The following PSD3 variants were observed in gnomAD, a reference collection of about 807,000 sequenced individuals.
PSD3 encodes PH and SEC7 domain-containing protein 3.
A neutral mutation model predicts 105.5 loss-of-function variants in PSD3; 49 were observed. That is an observed-to-expected ratio of 0.46 (90% CI 0.37 to 0.59). PSD3 has a LOEUF of 0.59. Among genes scored for constraint, PSD3 ranks in the 20% least tolerant of loss-of-function variants. PSD3 has a pLI of 0.00. For synonymous variants in PSD3, 557 were observed against 457.8 expected (o/e 1.22, Z -2.77); for missense variants, 1,561 against 1,263.8 (o/e 1.24, Z -3.57).
At chr8:18,870,723 G>C (rs1324833420) in intron 3 of PSD3, among the ~76,000 whole-genome samples, 1 of 151,540 alleles carries the variant, frequency 6.6e-6, no homozygotes, top group East Asian at 1.9e-4. Flanking sequence ...TATGCTACTT[G>C]TGAGAAGAAG....
intron 8 of PSD3, among the ~76,000 whole-genome samples, chr8:18,792,426 G>A (rs1284020427): frequency 6.6e-6 from 1 of 152,172 alleles, no homozygotes; most frequent in African/African-American, 2.4e-5. Flanking sequence ...CAGGGATGGA[G>A]CCAGAGGTCA....
intron 1 of PSD3, among the ~76,000 whole-genome samples, chr8:18,939,015 C>A (rs926942999): frequency 1.2e-5 from 1 of 83,662 alleles, no homozygotes; most frequent in Admixed American, 1.3e-4. Flanking sequence ...CAAGGACTCA[C>A]TAAAACATCA....
At chr8:18,823,206 C>A (rs940043923) in intron 4 of PSD3, among the ~76,000 whole-genome samples, 9 of 151,998 alleles carry the variant, frequency 5.9e-5, no homozygotes, top group African/African-American at 2.2e-4. Context: ...CTCCTTTCTT[C>A]GGAGTCTGCA....
intron 1 of PSD3, among the ~76,000 whole-genome samples, chr8:18,994,340 G>A (rs984750347): frequency 5.9e-5 from 9 of 151,716 alleles, no homozygotes; most frequent in Non-Finnish European, 1.0e-4. Flanking sequence ...TTGTTTTTAC[G>A]GTAGATTTTA....
chr8:18,819,331 A>G (rs1398057353), intron 4 of PSD3, among the ~76,000 whole-genome samples: 1 of 152,156 alleles, frequency 6.6e-6, no homozygotes, highest in Non-Finnish European at 1.5e-5. Context: ...AGCTTGAATC[A>G]CCAAAAAGAA....
At chr8:18,948,208 G>A (rs1032001624) in intron 1 of PSD3, among the ~76,000 whole-genome samples, 4 of 152,110 alleles carry the variant, frequency 2.6e-5, no homozygotes, top group Non-Finnish European at 4.4e-5. Context: ...GTGTGCTTCT[G>A]ATAATGTTTA....
At chr8:18,572,008 A>C (rs533479875) in intron 14 of PSD3, among the ~76,000 whole-genome samples, 3 of 152,364 alleles carry the variant, frequency 2.0e-5, no homozygotes, top group South Asian at 4.1e-4. Flanking sequence ...CACTTGGAGC[A>C]GAGTTCTGGT....
At chr8:18,808,625 C>A in intron 4 of PSD3, 1 of 1,228,914 alleles carries the variant, frequency 8.1e-7, no homozygotes, top group South Asian at 1.4e-5. Context: ...AAATAAAGCA[C>A]AAAGGATAAA....
At chr8:18,560,947 T>G (rs1801359259) in intron 14 of PSD3, among the ~76,000 whole-genome samples, 1 of 152,014 alleles carries the variant, frequency 6.6e-6, no homozygotes, top group Non-Finnish European at 1.5e-5. Context: ...GTTAGACCCT[T>G]TTTTGCCCCC....
At chr8:19,066,374 C>T (rs551399566) in intron 1 of PSD3, among the ~76,000 whole-genome samples, 11 of 152,220 alleles carry the variant, frequency 7.2e-5, no homozygotes, top group Admixed American at 2.0e-4. Flanking sequence ...GCCATTTTGT[C>T]TCCCTCTTTT....
chr8:18,988,248 T>C lies in PSD3; in HGVS notation c.21+25315A>G, dbSNP rs181477980. Among the ~76,000 whole-genome samples the C allele has an allele frequency of 8.5e-5, 13 of 152,184 alleles. No individual in the cohort carries two copies. In the East Asian group the frequency reaches 2.3e-3, roughly 27 times the overall value. On this transcript the variant is annotated intron_variant, in intron 1 of 15. Coordinates refer to ENST00000327040, the MANE Select transcript of PSD3 (RefSeq NM_015310.4). ...TCCTTTGCAAAGATTTGACTAAAAG[T>C]GCCCTGATAAATCTGCTCCACTAGA...
chr8:19,074,075 C>T (rs1325842947), intron 1 of PSD3, among the ~76,000 whole-genome samples: 2 of 152,150 alleles, frequency 1.3e-5, no homozygotes, highest in African/African-American at 2.4e-5. Flanking sequence ...CAGGCCCGAG[C>T]CACCGCGCCC....
intron 8 of PSD3, among the ~76,000 whole-genome samples, chr8:18,789,455 T>C (rs2129446136): frequency 6.6e-6 from 1 of 152,310 alleles, no homozygotes; most frequent in South Asian, 2.1e-4. Flanking sequence ...ATTCACTTAA[T>C]GGGTTTTTAA....
chr8:18,897,195 T>C (rs1819208557), intron 2 of PSD3, among the ~76,000 whole-genome samples: 1 of 152,212 alleles, frequency 6.6e-6, no homozygotes, highest in Admixed American at 6.5e-5. Context: ...TGATGTTCAG[T>C]ATTTTTTCAT....
chr8:18,996,987 G>C (rs867627429), intron 1 of PSD3, among the ~76,000 whole-genome samples: 2 of 151,780 alleles, frequency 1.3e-5, no homozygotes, highest in African/African-American at 4.8e-5. Context: ...GCAAGACCTC[G>C]CACTCTCGAT....
intron 9 of PSD3, among the ~76,000 whole-genome samples, chr8:18,660,494 AATG>A (rs1809266965): frequency 6.6e-6 from 1 of 152,204 alleles, no homozygotes; most frequent in South Asian, 2.1e-4. Flanking sequence ...CCTAGCAAAG[AATG>A]ATGATATACC....
intron 15 of PSD3, among the ~76,000 whole-genome samples, chr8:18,550,311 TA>T (rs1800683996): frequency 6.6e-6 from 1 of 152,214 alleles, no homozygotes; most frequent in South Asian, 2.1e-4. Flanking sequence ...ATTTAAAGAT[TA>T]AAATTCAGAG....
At chr8:18,661,376 T>C (rs887907946) in intron 9 of PSD3, among the ~76,000 whole-genome samples, 28 of 152,330 alleles carry the variant, frequency 1.8e-4, no homozygotes, top group African/African-American at 6.5e-4. Context: ...AAGTATAGAA[T>C]TAAATATGCA....
chr8:19,074,269 C>G (rs1380643072), intron 1 of PSD3, among the ~76,000 whole-genome samples: 1 of 152,106 alleles, frequency 6.6e-6, no homozygotes, highest in East Asian at 1.9e-4. Context: ...TCTGCTGTCT[C>G]TTAGCAACGT....
Sources: allele counts gnomAD v4.1 joint callset (sites outside exome capture counted in the v4.1 genomes callset), GRCh38; gene constraint gnomAD v4.1.1; transcripts MANE v1.5; gene names NCBI Gene and HGNC (gene_info 2026-07-23, HGNC 2026-07-21).